The following MEAF6 variants were observed in gnomAD, a reference collection of about 807,000 sequenced individuals.
MEAF6 encodes the protein MYST/Esa1 associated factor 6.
In MEAF6, 15 loss-of-function variants were observed where a neutral mutation model predicts 28.9. That is an observed-to-expected ratio of 0.52 (90% CI 0.35 to 0.80). The LOEUF (loss-of-function observed/expected upper bound fraction) is 0.80, where lower values mean the gene tolerates loss of function less well. Among genes scored for constraint, MEAF6 ranks in the 30% least tolerant of loss-of-function variants. The pLI is 0.01. For missense variants in MEAF6, 178 were observed against 237.5 expected (o/e 0.75, Z 1.65); for synonymous variants, 97 against 88.7 (o/e 1.09, Z -0.53).
Position 37,496,665 on chromosome 1 carries a change from C to T in MEAF6, c.534-747G>A, listed in dbSNP as rs764694493. On this transcript the variant is annotated intron_variant, in intron 5 of 6. Transcript: ENST00000296214. Reference sequence around the variant, plus strand: ...TCTCAAAAAGGCATACTGGTGTCTACACACTAAACACAGCACAAATACTAA... The same window carrying T: ...TCTCAAAAAGGCATACTGGTGTCTATACACTAAACACAGCACAAATACTAA... The T allele has an allele frequency of 1.9e-6, 3 of 1,553,930 alleles. No individual in the cohort carries two copies. The South Asian group carries it at 3.5e-5, about 18-fold the overall frequency.
chr1:37,501,849 C>A lies in MEAF6; in HGVS notation c.488G>T (p.Ser163Ile). 6.2e-7 allele frequency: 1 copy of A among 1,605,234 alleles called. No homozygotes were observed. Residue 163 changes from serine (S) to isoleucine (I), a missense_variant, in exon 5 of 7, where the codon AGT becomes ATT. Transcript: ENST00000296214. ...QKAASSTSSG[S>I]HHSSHKKRKN... ...TCGCTTTTTATGGCTGCTGTGGTGA[C>A]TCCCTGAGGAAGTAGAAGAAGCAGC...
intron 4 of MEAF6, among the ~76,000 whole-genome samples, chr1:37,508,128 A>G (rs1343068088): frequency 6.6e-6 from 1 of 152,168 alleles, no homozygotes; most frequent in African/African-American, 2.4e-5. Context: ...AGATAAATGC[A>G]CAAATCTATA....
At chr1:37,503,858 C>A (rs971066965) in intron 4 of MEAF6, among the ~76,000 whole-genome samples, 7 of 152,002 alleles carry the variant, frequency 4.6e-5, no homozygotes, top group African/African-American at 1.7e-4. Context: ...CTATTCAAGG[C>A]TGAGGCAGGG....
rs1642014140 is a variant in MEAF6, at chr1:37,493,662, A to G, written c.*437T>C. ...AACAACAAGAGAAAAACAAGAAAAC[A>G]TAAAACAATATAAGAAAATGCCAGA... On this transcript the variant is annotated 3_prime_UTR_variant, in exon 7 of 7. Transcript: ENST00000296214. The G allele has an allele frequency of 1.1e-6, 1 of 936,146 alleles. No homozygotes were observed. Among genetic ancestry groups the G allele is most frequent in the African/African-American group, 1.7e-5 (1 of 59,600 alleles). The allele number at this position is 936,146 out of a possible 1,614,324, so 58.0% of individuals were successfully genotyped here.
chr1:37,509,911 G>C (rs982015249), intron 2 of MEAF6, among the ~76,000 whole-genome samples: 4 of 151,932 alleles, frequency 2.6e-5, no homozygotes, highest in Non-Finnish European at 4.4e-5. Flanking sequence ...CAAGTAGCCA[G>C]GATTACAGGT....
At chr1:37,496,525 A>T in intron 5 of MEAF6, 1 of 1,316,212 alleles carries the variant, frequency 7.6e-7, no homozygotes, top group Non-Finnish European at 1.0e-6. Context: ...AATTTTGCTT[A>T]AGTTATTAAA....
At chr1:37,507,972 A>G (rs563559444) in intron 4 of MEAF6, among the ~76,000 whole-genome samples, 1 of 152,194 alleles carries the variant, frequency 6.6e-6, no homozygotes, top group Non-Finnish European at 1.5e-5. Context: ...ATATCATTGT[A>G]CCAATGCCAA....
At chr1:37,514,039 C>T (rs1050518947) in intron 1 of MEAF6, 7 of 174,522 alleles carry the variant, frequency 4.0e-5, no homozygotes, top group Non-Finnish European at 7.3e-5. Context: ...AGCCGAGACG[C>T]GGGGGCAGGA....
intron 5 of MEAF6, among the ~76,000 whole-genome samples, chr1:37,500,468 C>G (rs1291450836): frequency 6.6e-6 from 1 of 152,112 alleles, no homozygotes; most frequent in Non-Finnish European, 1.5e-5. Context: ...TATAGCCTTT[C>G]AAAAATATAT....
Position 37,513,492 on chromosome 1 carries a change from C to T in MEAF6, c.137G>A (p.Ser46Asn). The change falls in exon 2 of 7, where the codon AGC becomes AAC. Residue 46 changes from serine (S) to asparagine (N), a missense_variant. Ser to Asn is a conservative substitution (Grantham distance 46). This residue lies in a region of MEAF6 where 124 missense variants were observed against 200.5 expected (regional missense o/e 0.62). Coordinates refer to ENST00000296214, the MANE Select transcript of MEAF6 (RefSeq NM_001270875.3). ...ATACATCTGAGTGTCTTCCAGGTAG[C>T]TTCCCTCAAAAGCATAGATCTGTCG... ...LERQIYAFEG[S>N]YLEDTQMYGN... is the part of the protein sequence containing the mutation. 1.2e-6 allele frequency: 2 copies of T among 1,614,228 alleles called. No individual in the cohort carries two copies. Among genetic ancestry groups the T allele is most frequent in the Non-Finnish European group, 1.7e-6 (2 of 1,180,044 alleles).
At chr1:37,503,607 G>T (rs1209224899) in intron 4 of MEAF6, among the ~76,000 whole-genome samples, 1 of 137,504 alleles carries the variant, frequency 7.3e-6, no homozygotes, top group African/African-American at 2.7e-5. Context: ...AGTGAGCTAT[G>T]ATCTTACCAC....
chr1:37,496,819 A>G, intron 5 of MEAF6: 1 of 1,386,268 alleles, frequency 7.2e-7, no homozygotes, highest in Non-Finnish European at 9.6e-7. Context: ...CACCCTAGCA[A>G]GAATTGTAGA....
chr1:37,497,458 T>G (rs1017713760), intron 5 of MEAF6, among the ~76,000 whole-genome samples: 2 of 152,168 alleles, frequency 1.3e-5, no homozygotes, highest in African/African-American at 4.8e-5. Flanking sequence ...TAAACTTCAG[T>G]GGTGGAACCT....
chr1:37,509,481 T>G lies in MEAF6; in HGVS notation c.268A>C (p.Ser90Arg). The G allele has an allele frequency of 6.2e-7, 1 of 1,614,122 alleles. No individual in the cohort carries two copies. Among genetic ancestry groups the G allele is most frequent in the Non-Finnish European group, 8.5e-7 (1 of 1,180,014 alleles). ...GCTGCTGAGGTAACCGAGGATTTAC[T>G]GAAGAGCCGCTCAGCTTCCTTAAAC... ...RKFKEAERLF[S>R]KSSVTSAAAV... The change falls in exon 3 of 7, where the codon AGT becomes CGT. Residue 90 changes from serine (S) to arginine (R), a missense_variant. This residue lies in a region of MEAF6 where 124 missense variants were observed against 200.5 expected (regional missense o/e 0.62). Transcript: ENST00000296214.
At chr1:37,507,291 G>C (rs1642516659) in intron 4 of MEAF6, among the ~76,000 whole-genome samples, 1 of 149,960 alleles carries the variant, frequency 6.7e-6, no homozygotes, top group Non-Finnish European at 1.5e-5. Context: ...TTGCACTCCA[G>C]CCTGGGTAAC....
chr1:37,504,592 A>G (rs2982515), intron 4 of MEAF6, among the ~76,000 whole-genome samples: 123,264 of 151,200 alleles, frequency 0.82, 50,664 homozygotes, highest in East Asian at 0.95. Flanking sequence ...CCAACATGGT[A>G]AGACCCCACC....
At chr1:37,503,367 T>C (rs1054801671) in intron 4 of MEAF6, among the ~76,000 whole-genome samples, 8 of 152,222 alleles carry the variant, frequency 5.3e-5, no homozygotes, top group East Asian at 3.8e-4. Context: ...TTTAAGACTA[T>C]AGATTAGGCA....
At chr1:37,505,359 A>G (rs1642446346) in intron 4 of MEAF6, among the ~76,000 whole-genome samples, 2 of 152,190 alleles carry the variant, frequency 1.3e-5, no homozygotes, top group South Asian at 4.1e-4. Flanking sequence ...TAGGAAAGCA[A>G]CAGAAAAGGA....
rs571354424 is a variant in MEAF6, at chr1:37,514,591, C to A, written c.90+66G>T. The A allele has an allele frequency of 8.3e-6, 11 of 1,325,906 alleles. No individual in the cohort carries two copies. The South Asian group carries it at 1.6e-4, about 20-fold the overall frequency. 82.1% of individuals were successfully genotyped at this position (1,325,906 alleles called of 1,614,324 possible). ...TAACAAACGGCCTAGCGCGGCCGGG[C>A]TTGGGGCCTGGAGGCGGGGCGGGCG... On this transcript the variant is annotated intron_variant, in intron 1 of 6. Coordinates refer to ENST00000296214, the MANE Select transcript of MEAF6 (RefSeq NM_001270875.3).
Sources: allele counts gnomAD v4.1 joint callset (sites outside exome capture counted in the v4.1 genomes callset), GRCh38; gene constraint gnomAD v4.1.1; regional missense constraint gnomAD v4.1.1; transcripts MANE v1.5; gene names NCBI Gene and HGNC (gene_info 2026-07-23, HGNC 2026-07-21).